Variants in LUZP1 observed in about 807,000 individuals in gnomAD.
LUZP1 encodes the protein filamin mechanobinding actin cross-linking protein.
Under a neutral mutation model 71.3 loss-of-function variants are expected in LUZP1, and 25 were observed. The ratio of observed to expected loss-of-function variants is 0.35; its 90% CI spans 0.26 to 0.49. The LOEUF (loss-of-function observed/expected upper bound fraction) is 0.49, where lower values mean the gene tolerates loss of function less well. LUZP1 is among the 20% of genes least tolerant of loss of function. LUZP1 has a pLI of 0.99. For synonymous variants in LUZP1, 481 were observed against 506.4 expected (o/e 0.95, Z 0.67); for missense variants, 1,142 against 1,300.8 (o/e 0.88, Z 1.88).
chr1:23,136,295 A>AACACACACACACACAC (rs10578041), intron 2 of LUZP1, among the ~76,000 whole-genome samples: 116 of 130,242 alleles, frequency 8.9e-4, no homozygotes, highest in Middle Eastern at 3.9e-3. Flanking sequence ...TTCCGTCTTA[A>AACACACACACACACAC]ACACACACAC....
intron 2 of LUZP1, among the ~76,000 whole-genome samples, chr1:23,126,992 AG>A: frequency 6.6e-6 from 1 of 152,222 alleles, no homozygotes; most frequent in East Asian, 1.9e-4. Context: ...CCAGTGTGAG[AG>A]CTACAAGTTT....
intron 1 of LUZP1, among the ~76,000 whole-genome samples, chr1:23,169,819 C>T (rs1305840354): frequency 6.6e-6 from 1 of 152,186 alleles, no homozygotes; most frequent in Non-Finnish European, 1.5e-5. Context: ...CACGCAGCAG[C>T]ATTCACAAGC....
chr1:23,136,054 A>C (rs1305885599), intron 2 of LUZP1, among the ~76,000 whole-genome samples: 1 of 152,188 alleles, frequency 6.6e-6, no homozygotes, highest in Non-Finnish European at 1.5e-5. Flanking sequence ...ATAGGTTGCT[A>C]AATCAATGAG....
At chr1:23,107,923 G>A (rs1490235026) in intron 3 of LUZP1, among the ~76,000 whole-genome samples, 2 of 152,226 alleles carry the variant, frequency 1.3e-5, no homozygotes, top group South Asian at 2.1e-4. Context: ...TGACATGAGA[G>A]CAAGAGGCTT....
At position 23,174,126 on chromosome 1, in the gene LUZP1, T is replaced by G. The variant is rs147008079; in HGVS notation, c.-485+3365A>C. On this transcript the variant is annotated intron_variant, in intron 1 of 4. Coordinates refer to ENST00000302291, the Ensembl canonical transcript of LUZP1. Reference sequence around the variant, plus strand: ...GCAGAGAAGTCCCACAATCTGCCTTTTGCAAGCTGGAGAACCAGAAAAGAT... The same window carrying G: ...GCAGAGAAGTCCCACAATCTGCCTTGTGCAAGCTGGAGAACCAGAAAAGAT... 2.6e-5 allele frequency among the ~76,000 whole-genome samples: 4 copies of G among 152,194 alleles called. No individual in the cohort carries two copies. The East Asian group carries it at 7.7e-4, about 29-fold the overall frequency.
At chr1:23,117,507 TGGGGGGGGGGGCG>T (rs1203831136) in intron 2 of LUZP1, among the ~76,000 whole-genome samples, 2 of 23,090 alleles carry the variant, frequency 8.7e-5, no homozygotes, top group East Asian at 2.1e-3. Flanking sequence ...CAGGAAGCCC[TGGGGGGGGGGGCG>T]GGGGGGGGGA....
intron 2 of LUZP1, among the ~76,000 whole-genome samples, chr1:23,143,841 T>A (rs1644323352): frequency 6.6e-6 from 1 of 152,158 alleles, no homozygotes; most frequent in African/African-American, 2.4e-5. Flanking sequence ...ATGAGAAAAC[T>A]GAGGTTCAGG....
chr1:23,129,583 A>T (rs1253395907), intron 2 of LUZP1, among the ~76,000 whole-genome samples: 1 of 152,184 alleles, frequency 6.6e-6, no homozygotes, highest in Non-Finnish European at 1.5e-5. Context: ...ACTCCGTCTC[A>T]AAATAAATAA....
chr1:23,084,731 T>C (rs1251540457), exon 5 of LUZP1: 1 of 63,294 alleles, frequency 1.6e-5, no homozygotes, highest in African/African-American at 4.2e-5. Context: ...GAGAAGGCTT[T>C]TCCCCCCCTA....
At chr1:23,164,309 C>A (rs1436866414) in intron 2 of LUZP1, among the ~76,000 whole-genome samples, 1 of 152,126 alleles carries the variant, frequency 6.6e-6, no homozygotes, top group East Asian at 1.9e-4. Flanking sequence ...TCCTGGCTAA[C>A]GCGGTGAAAT....
chr1:23,173,546 G>A (rs1644565698), intron 1 of LUZP1, among the ~76,000 whole-genome samples: 1 of 151,558 alleles, frequency 6.6e-6, no homozygotes, highest in African/African-American at 2.4e-5. Flanking sequence ...TGGTAGAGAT[G>A]GGGTTTCACC....
chr1:23,103,521 T>C (rs1244526819), intron 3 of LUZP1, among the ~76,000 whole-genome samples: 3 of 152,046 alleles, frequency 2.0e-5, no homozygotes, highest in Non-Finnish European at 2.9e-5. Context: ...AAGTAGTTAC[T>C]CAGCTTCCGT....
chr1:23,158,827 T>C (rs1290881389), intron 2 of LUZP1, among the ~76,000 whole-genome samples: 7 of 146,026 alleles, frequency 4.8e-5, no homozygotes, highest in Non-Finnish European at 1.0e-4. Flanking sequence ...ATTCACCAGC[T>C]GTGGTGGCAG....
intron 2 of LUZP1, among the ~76,000 whole-genome samples, chr1:23,111,711 G>A (rs1038066000): frequency 9.2e-5 from 14 of 152,008 alleles, no homozygotes; most frequent in Middle Eastern, 6.8e-3. Context: ...AATAGTTTTA[G>A]GACAGTTCCA....
chr1:23,119,403 G>A (rs1379066402), intron 2 of LUZP1, among the ~76,000 whole-genome samples: 1 of 151,688 alleles, frequency 6.6e-6, no homozygotes, highest in Non-Finnish European at 1.5e-5. Context: ...GGACATAACT[G>A]AAAGTGAAAG....
exon 4 of LUZP1, chr1:23,091,502 C>T (rs1643853404): frequency 1.2e-6 from 2 of 1,614,172 alleles, no homozygotes; most frequent in African/African-American, 1.3e-5. Flanking sequence ...AGGCATTCCG[C>T]ACAGTAACAT....
intron 2 of LUZP1, among the ~76,000 whole-genome samples, chr1:23,168,248 A>C (rs1218203615): frequency 7.2e-6 from 1 of 138,992 alleles, no homozygotes; most frequent in Non-Finnish European, 1.6e-5. Context: ...CTGCTGCTGC[A>C]GCTCCCGGGC....
At chr1:23,165,429 T>G (rs953884782) in intron 2 of LUZP1, among the ~76,000 whole-genome samples, 3 of 151,784 alleles carry the variant, frequency 2.0e-5, no homozygotes, top group Admixed American at 6.6e-5. Context: ...CTCAACACTT[T>G]GGGAGGCTGA....
intron 2 of LUZP1, among the ~76,000 whole-genome samples, chr1:23,159,455 C>T (rs1401347970): frequency 6.6e-6 from 1 of 152,112 alleles, no homozygotes; most frequent in Non-Finnish European, 1.5e-5. Context: ...AGTATCTGAC[C>T]CTCAACAGCT....
Sources: allele counts gnomAD v4.1 joint callset (sites outside exome capture counted in the v4.1 genomes callset), GRCh38; gene constraint gnomAD v4.1.1; transcripts MANE v1.5; gene names NCBI Gene and HGNC (gene_info 2026-07-23, HGNC 2026-07-21).